MYO9A: variants seen among roughly 807,000 people sequenced by gnomAD.
MYO9A encodes myosin IXA.
Under a neutral mutation model 293.3 loss-of-function variants are expected in MYO9A, and 103 were observed. The ratio of observed to expected loss-of-function variants is 0.35; its 90% CI spans 0.30 to 0.41. The LOEUF (loss-of-function observed/expected upper bound fraction) is 0.41. Among genes scored for constraint, MYO9A ranks in the 10% least tolerant of loss-of-function variants. The pLI, the probability that MYO9A is intolerant of heterozygous loss-of-function variation, is 1.00. For synonymous variants in MYO9A, 1,001 were observed against 1,035.7 expected (o/e 0.97, Z 0.64); for missense variants, 2,685 against 3,033.0 (o/e 0.89, Z 2.69).
At chr15:72,012,088 A>G (rs2077191022) in intron 6 of MYO9A, among the ~76,000 whole-genome samples, 1 of 152,206 alleles carries the variant, frequency 6.6e-6, no homozygotes. Flanking sequence ...TAGTTAATGA[A>G]TATCTAAAGT....
chr15:71,897,103 C>G (rs1027288702), intron 25 of MYO9A: 10 of 188,090 alleles, frequency 5.3e-5, no homozygotes, highest in Non-Finnish European at 9.9e-5. Context: ...AAATTAACTT[C>G]TTTAAAGCCT....
At chr15:71,928,456 GA>G (rs1441565114) in intron 18 of MYO9A, among the ~76,000 whole-genome samples, 1 of 151,776 alleles carries the variant, frequency 6.6e-6, no homozygotes. Flanking sequence ...TGAATTTCAG[GA>G]TTTTTTTTAT....
intron 1 of MYO9A, among the ~76,000 whole-genome samples, chr15:72,077,753 ATATATATATAT>A (rs1388886797): frequency 0.015 from 487 of 33,542 alleles, 6 homozygotes; most frequent in African/African-American, 0.049. Flanking sequence ...AAAAAAAAAA[ATATATATATAT>A]ATATATATAT....
chr15:71,850,540 AG>A (rs1449712509), intron 37 of MYO9A, among the ~76,000 whole-genome samples: 9 of 152,092 alleles, frequency 5.9e-5, no homozygotes, highest in Non-Finnish European at 1.3e-4. Flanking sequence ...CAATGTGGGC[AG>A]ATTACTTGTG....
At chr15:72,074,707 G>A (rs2079292839) in intron 1 of MYO9A, among the ~76,000 whole-genome samples, 1 of 152,196 alleles carries the variant, frequency 6.6e-6, no homozygotes, top group Non-Finnish European at 1.5e-5. Flanking sequence ...AGAAAGTCAA[G>A]TGCAGTGCTA....
intron 13 of MYO9A, among the ~76,000 whole-genome samples, chr15:71,962,042 A>G (rs2075760447): frequency 6.6e-6 from 1 of 152,138 alleles, no homozygotes; most frequent in African/African-American, 2.4e-5. Context: ...GATTTTTAAA[A>G]CTGAATAAGA....
At chr15:72,066,385 C>T (rs1023466131) in intron 1 of MYO9A, among the ~76,000 whole-genome samples, 11 of 151,380 alleles carry the variant, frequency 7.3e-5, no homozygotes, top group Non-Finnish European at 2.9e-5. Context: ...ACTCAGGAGG[C>T]TGAGGCAGGG....
chr15:71,824,657 A>ATTAT lies in MYO9A; in HGVS notation c.*1919_*1922dup, dbSNP rs1337181761. 2.0e-5 allele frequency: 3 copies of ATTAT among 152,308 alleles called. No homozygotes were observed. The South Asian group carries it at 6.2e-4, about 32-fold the overall frequency. 9.4% of individuals were successfully genotyped at this position (152,308 alleles called of 1,614,324 possible). ...AAATTCAGATTTTTAAAAGCTTAACATTATTTATTACTCCTCAGGACAAGA... is the reference window on the plus strand; with the variant it reads ...AAATTCAGATTTTTAAAAGCTTAACATTATTTATTTATTACTCCTCAGGACAAGA... On this transcript the variant is annotated 3_prime_UTR_variant, in exon 42 of 42. Transcript: ENST00000356056.
chr15:71,989,705 AAC>A (rs903453520), intron 11 of MYO9A, among the ~76,000 whole-genome samples: 4 of 152,050 alleles, frequency 2.6e-5, no homozygotes, highest in African/African-American at 9.7e-5. Context: ...AACAAAACAA[AAC>A]ACACACACAC....
Position 71,897,886 on chromosome 15 carries a change from T to C in MYO9A, c.4617A>G (p.Gly1539=). The C allele has an allele frequency of 2.5e-6, 4 of 1,614,124 alleles. No homozygotes were observed. The highest frequency in any genetic ancestry group is 3.4e-6 in the Non-Finnish European group (4 of 1,180,016). The change falls in exon 25 of 42, where the codon GGA becomes GGG. Residue 1539 remains glycine, a synonymous_variant. Coordinates refer to ENST00000356056, the MANE Select transcript of MYO9A (RefSeq NM_006901.4). Reference sequence around the variant, plus strand: ...AGGAAGATGGTGCCACCAAACACTCTCCAATTCTTGGCTTTTCAATTGTCT... The same window carrying C: ...AGGAAGATGGTGCCACCAAACACTCCCCAATTCTTGGCTTTTCAATTGTCT... ...AFKTIEKPRI[G]ECLVAPSSYQ... is the part of the protein sequence containing the mutation.
At chr15:72,015,207 T>C (rs2077295581) in intron 6 of MYO9A, among the ~76,000 whole-genome samples, 1 of 152,008 alleles carries the variant, frequency 6.6e-6, no homozygotes, top group African/African-American at 2.4e-5. Context: ...TGCAGAGACC[T>C]TATACTAGAC....
intron 1 of MYO9A, among the ~76,000 whole-genome samples, chr15:72,106,993 T>A: frequency 6.6e-6 from 1 of 152,176 alleles, no homozygotes; most frequent in East Asian, 1.9e-4. Context: ...TTGAAACTAT[T>A]TTATAAATAC....
chr15:71,828,830 A>G (rs2054610907), intron 40 of MYO9A, among the ~76,000 whole-genome samples: 1 of 152,148 alleles, frequency 6.6e-6, no homozygotes, highest in South Asian at 2.1e-4. Context: ...TACTTTCTCC[A>G]ATGCACAGAT....
Position 72,010,416 on chromosome 15 carries a change from C to G in MYO9A, c.1187G>C (p.Arg396Thr), listed in dbSNP as rs756686203. The stretch of plus-strand genomic sequence containing the variant: ...AAGTTGTAGGCGCTCAAAGTCATGT[C>G]TCAAATCTTCTCCTTCCACCGTGAA... ...DCFTVEGEDL[R>T]HDFERLQLAM... The change falls in exon 7 of 42, where the codon AGA (arginine) becomes ACA (threonine). Residue 396 changes from arginine (R) to threonine (T), a missense_variant. Physicochemically the swap from Arg to Thr is moderately conservative, Grantham distance 71. Transcript: ENST00000356056. The G allele has an allele frequency of 2.0e-5, 32 of 1,613,228 alleles. No individual in the cohort carries two copies. In the Admixed American group the frequency reaches 4.3e-4, roughly 22 times the overall value.
chr15:71,945,495 A>G (rs953746959), intron 15 of MYO9A, among the ~76,000 whole-genome samples: 5 of 152,054 alleles, frequency 3.3e-5, no homozygotes, highest in Admixed American at 2.0e-4. Flanking sequence ...AGCTTGTGAC[A>G]TCTAGGAGGC....
At chr15:71,887,333 A>G (rs538863023) in intron 27 of MYO9A, among the ~76,000 whole-genome samples, 2 of 152,264 alleles carry the variant, frequency 1.3e-5, no homozygotes, top group South Asian at 2.1e-4. Context: ...TTTGAGATAA[A>G]TATTTTTAAG....
rs2058548005 is a variant in MYO9A at position 71,933,721 on chromosome 15, A to C, written c.2523-12T>G. 9.4e-6 allele frequency: 15 copies of C among 1,595,902 alleles called. No homozygotes were observed. The highest frequency in any genetic ancestry group is 1.1e-5 in the Non-Finnish European group (13 of 1,173,298). ...AATTTTTGTTTCTCCTATAGAGATA[A>C]ATCATTCATTAAAAAAAGCTACTGT... On this transcript the variant is annotated splice_polypyrimidine_tract_variant and intron_variant, in intron 17 of 41. Transcript: ENST00000356056.
At chr15:71,910,019 T>C (rs1018824702) in intron 19 of MYO9A, among the ~76,000 whole-genome samples, 2 of 150,772 alleles carry the variant, frequency 1.3e-5, no homozygotes, top group Non-Finnish European at 3.0e-5. Flanking sequence ...AAATAATAAG[T>C]GTAAATTATG....
intron 10 of MYO9A, among the ~76,000 whole-genome samples, chr15:71,991,910 C>T (rs767832220): frequency 7.9e-5 from 12 of 152,200 alleles, no homozygotes; most frequent in Non-Finnish European, 1.3e-4. Flanking sequence ...CATGCACCAC[C>T]ATTCTGGCTA....
Sources: gnomAD v4.1 joint callset for allele counts (sites outside exome capture counted in the v4.1 genomes callset) on GRCh38, gnomAD v4.1.1 for gene constraint, MANE v1.5 for transcripts, NCBI Gene and HGNC (gene_info 2026-07-23, HGNC 2026-07-21) for gene names.